MCPH1: variants seen among roughly 807,000 people sequenced by gnomAD.
MCPH1 encodes the protein microcephalin.
MCPH1 carries 104 observed loss-of-function variants against 84.5 expected under a neutral mutation model. That is an observed-to-expected ratio of 1.23 (90% CI 1.05 to 1.45). The LOEUF (loss-of-function observed/expected upper bound fraction) is 1.45, where lower values mean the gene tolerates loss of function less well. Ranked by LOEUF, MCPH1 falls within the 40% of genes most tolerant of loss-of-function variation. The pLI is 0.00. For synonymous variants in MCPH1, 514 were observed against 366.8 expected, an observed-to-expected ratio of 1.40 and a Z score of -4.58; for missense variants, 1,498 against 1,005.7, an observed-to-expected ratio of 1.49 and a Z score of -6.62.
intron 11 of MCPH1, among the ~76,000 whole-genome samples, chr8:6,485,093 G>A (rs1809713819): frequency 6.6e-6 from 1 of 152,148 alleles, no homozygotes; most frequent in African/African-American, 2.4e-5. Flanking sequence ...TTTGGAGGCC[G>A]AGGCGTGTGG....
At chr8:6,613,448 G>A (rs982269001) in intron 12 of MCPH1, among the ~76,000 whole-genome samples, 3 of 152,156 alleles carry the variant, frequency 2.0e-5, no homozygotes, top group African/African-American at 7.2e-5. Flanking sequence ...GGGAGTCACG[G>A]GGGGGTGGTG....
rs986571821 is a variant in MCPH1 at position 6,645,589 on chromosome 8, A to T, written c.*2540A>T. 1 of 147,110 alleles carries T rather than the reference A, an allele frequency of 6.8e-6. No homozygotes were observed. The highest frequency in any genetic ancestry group is 2.6e-5 in the African/African-American group (1 of 38,920). The allele number at this position is 147,110 out of a possible 1,614,324, so 9.1% of individuals were successfully genotyped here. A position where few individuals can be genotyped will look rare whatever the true frequency, so the allele number is the denominator to read the frequency against. On this transcript the variant is annotated 3_prime_UTR_variant, in exon 14 of 14. Transcript: ENST00000344683. ...CTCAAGAATACAAGACACTATGTAT[A>T]GAAATTGTAAGGAATGCAAAAAAAA...
At chr8:6,614,928 A>C in intron 12 of MCPH1, among the ~76,000 whole-genome samples, 1 of 151,340 alleles carries the variant, frequency 6.6e-6, no homozygotes, top group Non-Finnish European at 1.5e-5. Context: ...TCCTGATCTC[A>C]ACCCCTCCAT....
intron 12 of MCPH1, among the ~76,000 whole-genome samples, chr8:6,541,307 G>A (rs1821519872): frequency 6.6e-6 from 1 of 152,204 alleles, no homozygotes; most frequent in African/African-American, 2.4e-5. Flanking sequence ...AGTCTCATGG[G>A]CCCCAGGCTG....
chr8:6,521,325 C>G (rs890518042), intron 12 of MCPH1: 6 of 1,613,732 alleles, frequency 3.7e-6, no homozygotes, highest in Admixed American at 3.3e-5. Context: ...GATACTAACA[C>G]CTGTAGCTGA....
In MCPH1 at chr8:6,646,893, G is replaced by A. The variant is rs1326824440; in HGVS notation, c.*3844G>A. 6.6e-6 allele frequency: 1 copy of A among 152,062 alleles called. No individual in the cohort carries two copies. The highest frequency in any genetic ancestry group is 1.5e-5 in the Non-Finnish European group (1 of 68,028). The allele number at this position is 152,062 out of a possible 1,614,324, so 9.4% of individuals were successfully genotyped here. On this transcript the variant is annotated 3_prime_UTR_variant, in exon 14 of 14. Coordinates refer to ENST00000344683, the MANE Select transcript of MCPH1 (RefSeq NM_024596.5). ...ATAGCAGGAAATCATTCTGACCTCAGGTTAGGCAAAGCTTTCTTAGATATG... is the reference window on the plus strand; with the variant it reads ...ATAGCAGGAAATCATTCTGACCTCAAGTTAGGCAAAGCTTTCTTAGATATG...
chr8:6,627,099 C>A (rs1222134311), intron 13 of MCPH1: 2 of 985,234 alleles, frequency 2.0e-6, no homozygotes, highest in African/African-American at 3.5e-5. Context: ...AGCATGCAGG[C>A]CTTCTCATGC....
intron 11 of MCPH1, among the ~76,000 whole-genome samples, chr8:6,481,909 A>T (rs962699680): frequency 2.0e-5 from 3 of 152,214 alleles, no homozygotes; most frequent in African/African-American, 4.8e-5. Context: ...AAAATATTAA[A>T]TGGGAAATCC....
intron 12 of MCPH1, among the ~76,000 whole-genome samples, chr8:6,547,751 C>T (rs1014671289): frequency 6.6e-6 from 1 of 152,154 alleles, no homozygotes; most frequent in Non-Finnish European, 1.5e-5. Flanking sequence ...TCTCCACTGA[C>T]TCACTCGGTG....
At chr8:6,421,890 T>G (rs1004939967) in intron 3 of MCPH1, among the ~76,000 whole-genome samples, 2 of 152,344 alleles carry the variant, frequency 1.3e-5, no homozygotes, top group South Asian at 4.1e-4. Flanking sequence ...ACACTCTTTC[T>G]GCCTTTAGTT....
intron 13 of MCPH1, chr8:6,624,821 C>G: frequency 1.0e-6 from 1 of 985,292 alleles, no homozygotes; most frequent in African/African-American, 1.7e-5. Flanking sequence ...CGTTTCCTGC[C>G]TCATCCAGGT....
At chr8:6,507,082 G>T (rs144631962) in intron 12 of MCPH1, among the ~76,000 whole-genome samples, 1 of 152,118 alleles carries the variant, frequency 6.6e-6, no homozygotes, top group Non-Finnish European at 1.5e-5. Context: ...ATTTTTAGTA[G>T]AGATGGGGTT....
chr8:6,515,032 G>A (rs1368873146), intron 12 of MCPH1, among the ~76,000 whole-genome samples: 2 of 152,156 alleles, frequency 1.3e-5, no homozygotes, highest in Admixed American at 6.5e-5. Flanking sequence ...TGACTCACTT[G>A]TCATCATCTG....
At chr8:6,450,181 A>C (rs923612531) in intron 8 of MCPH1, among the ~76,000 whole-genome samples, 1 of 152,132 alleles carries the variant, frequency 6.6e-6, no homozygotes, top group Non-Finnish European at 1.5e-5. Flanking sequence ...GTTGGAGGTC[A>C]ATGATGGTTA....
At chr8:6,457,939 C>A (rs1277802422) in intron 9 of MCPH1, among the ~76,000 whole-genome samples, 4 of 152,134 alleles carry the variant, frequency 2.6e-5, no homozygotes, top group African/African-American at 9.7e-5. Context: ...AGGTTTGTGG[C>A]TGCCTGGCCC....
chr8:6,624,397 T>C (rs946663740), intron 13 of MCPH1, among the ~76,000 whole-genome samples: 17 of 152,072 alleles, frequency 1.1e-4, no homozygotes, highest in African/African-American at 4.1e-4. Context: ...CAGACCCCAG[T>C]GTAGTGGGCG....
intron 12 of MCPH1, 27 bp from the exon 13 acceptor site, chr8:6,621,427 G>C: frequency 6.2e-7 from 1 of 1,613,158 alleles, no homozygotes; most frequent in Non-Finnish European, 8.5e-7. Flanking sequence ...TCCCACCTCT[G>C]TAATTCTATC....
At chr8:6,554,941 A>G (rs1824326376) in intron 12 of MCPH1, among the ~76,000 whole-genome samples, 1 of 152,208 alleles carries the variant, frequency 6.6e-6, no homozygotes. Flanking sequence ...AGGTGATTTC[A>G]TGGAGAAATA....
chr8:6,426,826 T>G (rs528973179), intron 3 of MCPH1, among the ~76,000 whole-genome samples: 1 of 145,068 alleles, frequency 6.9e-6, no homozygotes, highest in Admixed American at 7.8e-5. Flanking sequence ...TATTTCATGG[T>G]TTTTTTTTTC....
Sources: allele counts gnomAD v4.1 joint callset (sites outside exome capture counted in the v4.1 genomes callset), GRCh38; gene constraint gnomAD v4.1.1; transcripts MANE v1.5; gene names NCBI Gene and HGNC (gene_info 2026-07-23, HGNC 2026-07-21).